The following BCL2L15 variants were observed in gnomAD, a reference collection of about 807,000 sequenced individuals.
The protein encoded by BCL2L15 is BCL2 like 15, also known as bcl-2-like protein 15.
A neutral mutation model predicts 18.3 loss-of-function variants in BCL2L15; 15 were observed. That is an observed-to-expected ratio of 0.82 (90% CI 0.55 to 1.26). BCL2L15 has a LOEUF of 1.26. Ranked by LOEUF, BCL2L15 falls within the 50% of genes most tolerant of loss-of-function variation. The probability of loss-of-function intolerance (pLI) is 0.00; values close to 1 mark genes in which losing one functional copy is unlikely to be tolerated. For synonymous variants in BCL2L15, 58 were observed against 68.5 expected (o/e 0.85, Z 0.76); for missense variants, 180 against 201.7 (o/e 0.89, Z 0.65).
Position 113,886,559 on chromosome 1 carries a change from A to G in BCL2L15, c.227T>C (p.Ile76Thr). 1.2e-6 allele frequency: 2 copies of G among 1,613,608 alleles called. No individual in the cohort carries two copies. The highest frequency in any genetic ancestry group is 1.7e-6 in the Non-Finnish European group (2 of 1,179,882). ...GELEASAKNVIAETIKGQTGA... is the reference protein window; with the variant it reads ...GELEASAKNVTAETIKGQTGA... Reference sequence around the variant, plus strand: ...GACCTGTCCCTTAATGGTTTCTGCAATGACGTTTTTGGCAGAAGCTTCCAA... The same window carrying G: ...GACCTGTCCCTTAATGGTTTCTGCAGTGACGTTTTTGGCAGAAGCTTCCAA... The change falls in exon 2 of 4, where the codon ATT becomes ACT. Residue 76 changes from isoleucine to threonine, a missense_variant. By Grantham distance (89) the Ile-to-Thr change is moderately conservative. Coordinates refer to ENST00000393316, the MANE Select transcript of BCL2L15 (RefSeq NM_001010922.3).
rs1667061045 is a variant in BCL2L15 at position 113,887,128 on chromosome 1, C to T, written c.127+121G>A. Reference sequence around the variant, plus strand: ...GGCCAGGCGGATCTCAAACCCCTGACTTCAGGTGATCCACCCACCTTGGCC... The same window carrying T: ...GGCCAGGCGGATCTCAAACCCCTGATTTCAGGTGATCCACCCACCTTGGCC... On this transcript the variant is annotated intron_variant, in intron 1 of 3. Coordinates refer to ENST00000393316, the MANE Select transcript of BCL2L15 (RefSeq NM_001010922.3). The T allele has an allele frequency of 1.0e-5, 9 of 875,078 alleles. No individual in the cohort carries two copies. The South Asian group carries it at 1.3e-4, about 13-fold the overall frequency. 54.2% of individuals were successfully genotyped at this position (875,078 alleles called of 1,614,324 possible). A position where few individuals can be genotyped will look rare whatever the true frequency, so the allele number is the denominator to read the frequency against.
intron 3 of BCL2L15, 78 bp from the exon 4 acceptor site, chr1:113,881,218 A>C (rs1666871107): frequency 6.2e-7 from 1 of 1,600,922 alleles, no homozygotes; most frequent in Admixed American, 1.7e-5. Flanking sequence ...AATGATCTGC[A>C]GATAGCTCCA....
chr1:113,881,054 T>A lies in BCL2L15; in HGVS notation c.*69A>T. The A allele has an allele frequency of 1.2e-6, 2 of 1,610,190 alleles. No homozygotes were observed. The highest frequency in any genetic ancestry group is 1.7e-6 in the Non-Finnish European group (2 of 1,176,970). On this transcript the variant is annotated 3_prime_UTR_variant, in exon 4 of 4. Transcript: ENST00000393316. ...TGCTTTTTTATTTGTTTGTTTGAAT[T>A]CCCAGGAATCAATCACCCAATCAGT...
At chr1:113,881,263 C>A in intron 3 of BCL2L15, 123 bp from the exon 4 acceptor site, 1 of 1,430,142 alleles carries the variant, frequency 7.0e-7, no homozygotes, top group Non-Finnish European at 9.7e-7. Context: ...TTCACTGACC[C>A]TGTAAATGGA....
chr1:113,882,009 CA>C lies in BCL2L15; in HGVS notation c.250-13del. ...AGTATAGCTCCTGTCTGAGGAAAGACAAAGGAAACATCAACAGAGTATCACT... is the reference window on the plus strand; with the variant it reads ...AGTATAGCTCCTGTCTGAGGAAAGACAAGGAAACATCAACAGAGTATCACT... On this transcript the variant is annotated splice_polypyrimidine_tract_variant and intron_variant, in intron 2 of 3. Coordinates refer to ENST00000393316, the MANE Select transcript of BCL2L15 (RefSeq NM_001010922.3). The C allele has an allele frequency of 1.9e-6, 3 of 1,607,038 alleles. No individual in the cohort carries two copies. The highest frequency in any genetic ancestry group is 2.6e-6 in the Non-Finnish European group (3 of 1,174,550).
Position 113,881,952 on chromosome 1 carries a change from A to G in BCL2L15, c.295T>C (p.Trp99Arg). The change falls in exon 3 of 4, where the codon TGG becomes CGG. Residue 99 changes from tryptophan (W) to arginine (R), a missense_variant. By Grantham distance (101) the Trp-to-Arg change is moderately radical. Coordinates refer to ENST00000393316, the MANE Select transcript of BCL2L15 (RefSeq NM_001010922.3). ...QDTVESLSKT[W>R]CAQDSSLAYE... ...GCTAAGCTGGAATCCTGAGCACACC[A>G]GGTCTTGCTGAGAGATTCCACAGTG... 1.2e-6 allele frequency: 2 copies of G among 1,614,096 alleles called. No individual in the cohort carries two copies. Among genetic ancestry groups the G allele is most frequent in the Non-Finnish European group, 8.5e-7 (1 of 1,179,928 alleles).
At chr1:113,885,752 G>A (rs901768744) in intron 2 of BCL2L15, among the ~76,000 whole-genome samples, 5 of 152,156 alleles carry the variant, frequency 3.3e-5, no homozygotes, top group Non-Finnish European at 4.4e-5. Context: ...CAGGTGATCC[G>A]CCCAGATGGG....
intron 2 of BCL2L15, 101 bp downstream of exon 2, chr1:113,886,436 T>A (rs1667037356): frequency 8.0e-7 from 1 of 1,250,510 alleles, no homozygotes; most frequent in East Asian, 2.5e-5. Context: ...CCAAATATTT[T>A]CATAGAACAT....
intron 2 of BCL2L15, 139 bp from the exon 3 acceptor site, chr1:113,882,136 T>C: frequency 1.6e-6 from 1 of 610,062 alleles, no homozygotes. Context: ...TCTTAGAGAG[T>C]AGATGAATAA....
At chr1:113,882,186 T>C (rs1666897117) in intron 2 of BCL2L15, among the ~76,000 whole-genome samples, 189 bp from the exon 3 acceptor site, 1 of 152,214 alleles carries the variant, frequency 6.6e-6, no homozygotes, top group Admixed American at 6.5e-5. Flanking sequence ...TAATGGGCAC[T>C]TGAAAATACA....
rs1366290832 is a variant in BCL2L15 at position 113,877,601 on chromosome 1, G to A, written c.*3522C>T. Among the ~76,000 whole-genome samples, 1 of 152,076 alleles carries A rather than the reference G, an allele frequency of 6.6e-6. No individual in the cohort carries two copies. Among genetic ancestry groups the A allele is most frequent in the East Asian group, 1.9e-4 (1 of 5,194 alleles). The stretch of plus-strand genomic sequence containing the variant: ...TGTTTAAGTCTTGTAATCTTCATTG[G>A]TATGTTAAATTTAAAAATGAATGAT... On this transcript the variant is annotated 3_prime_UTR_variant, in exon 4 of 4. Coordinates refer to ENST00000393316, the MANE Select transcript of BCL2L15 (RefSeq NM_001010922.3).
intron 2 of BCL2L15, among the ~76,000 whole-genome samples, chr1:113,882,562 T>C (rs1026121086): frequency 3.9e-5 from 6 of 152,090 alleles, no homozygotes; most frequent in East Asian, 3.9e-4. Context: ...GCAGCATCAC[T>C]TGAACCTGGG....
chr1:113,881,467 G>A (rs1247247524), intron 3 of BCL2L15: 6 of 1,345,556 alleles, frequency 4.5e-6, no homozygotes, highest in Non-Finnish European at 3.8e-6. Flanking sequence ...AGTGAAGCCA[G>A]GCTGAAATTA....
At chr1:113,886,429 A>G (rs1247255005) in intron 2 of BCL2L15, 108 bp downstream of exon 2, 4 of 1,220,050 alleles carry the variant, frequency 3.3e-6, no homozygotes, top group Non-Finnish European at 4.5e-6. Context: ...TAAGCACCCA[A>G]ATATTTTCAT....
In BCL2L15 at chr1:113,880,246, C is replaced by A. The variant is rs1666829878; in HGVS notation, c.*877G>T. The A allele has an allele frequency of 6.6e-6, 1 of 152,314 alleles. No individual in the cohort carries two copies. The highest frequency in any genetic ancestry group is 2.4e-5 in the African/African-American group (1 of 41,426). The allele number at this position is 152,314 out of a possible 1,614,324, so 9.4% of individuals were successfully genotyped here. A position where few individuals can be genotyped will look rare whatever the true frequency, so the allele number is the denominator to read the frequency against. ...TTGTTTGTTTGTTTTTTGCTTCCAA[C>A]CTCTAAAATGCATAAAATAGTCCTT... On this transcript the variant is annotated 3_prime_UTR_variant, in exon 4 of 4. Coordinates refer to ENST00000393316, the MANE Select transcript of BCL2L15 (RefSeq NM_001010922.3).
In BCL2L15 at chr1:113,876,995, G is replaced by A. The variant is rs988262818; in HGVS notation, c.*4128C>T. Among the ~76,000 whole-genome samples, 2 of 152,086 alleles carry A rather than the reference G, an allele frequency of 1.3e-5. No homozygotes were observed. The highest frequency in any genetic ancestry group is 2.9e-5 in the Non-Finnish European group (2 of 68,012). On this transcript the variant is annotated 3_prime_UTR_variant, in exon 4 of 4. Coordinates refer to ENST00000393316, the MANE Select transcript of BCL2L15 (RefSeq NM_001010922.3). ...CAACTTAAGGCCATTTTTTGGATAA[G>A]AAACATAAAAGTGGTACAAACAAAA...
In BCL2L15 at chr1:113,881,017, A is replaced by C; in HGVS notation, c.*106T>G. 1 of 1,523,672 alleles carries C rather than the reference A, an allele frequency of 6.6e-7. No individual in the cohort carries two copies. Among genetic ancestry groups the C allele is most frequent in the South Asian group, 1.1e-5 (1 of 87,496 alleles). 94.4% of individuals were successfully genotyped at this position (1,523,672 alleles called of 1,614,324 possible). The stretch of plus-strand genomic sequence containing the variant: ...TATTCAGCTAAGTTCAGTTCTGATA[A>C]AATGAAAAAAGTGCTTTTTTATTTG... On this transcript the variant is annotated 3_prime_UTR_variant, in exon 4 of 4. Transcript: ENST00000393316.
At chr1:113,885,974 G>A (rs941857985) in intron 2 of BCL2L15, among the ~76,000 whole-genome samples, 6 of 151,654 alleles carry the variant, frequency 4.0e-5, no homozygotes, top group Non-Finnish European at 7.4e-5. Flanking sequence ...TTGGGAGGCC[G>A]AGGTGAGTGG....
intron 2 of BCL2L15, 146 bp from the exon 3 acceptor site, chr1:113,882,143 A>G: frequency 1.7e-6 from 1 of 603,084 alleles, no homozygotes; most frequent in Non-Finnish European, 2.9e-6. Flanking sequence ...GAGTAGATGA[A>G]TAATCTTTTC....
Sources: gnomAD v4.1 joint callset for allele counts (sites outside exome capture counted in the v4.1 genomes callset) on GRCh38, gnomAD v4.1.1 for gene constraint, MANE v1.5 for transcripts, NCBI Gene and HGNC (gene_info 2026-07-23, HGNC 2026-07-21) for gene names.